The following TXNRD1 variants were observed in gnomAD, a reference collection of about 807,000 sequenced individuals.
The protein encoded by TXNRD1 is thioredoxin reductase 1, cytoplasmic.
Under a neutral mutation model 80.3 loss-of-function variants are expected in TXNRD1, and 57 were observed. The ratio of observed to expected loss-of-function variants is 0.71; its 90% CI spans 0.57 to 0.89. The LOEUF is 0.89. Ranked by LOEUF, TXNRD1 falls within the 40% of genes least tolerant of loss-of-function variation. TXNRD1 has a pLI of 0.00. For synonymous variants in TXNRD1, 291 were observed against 285.2 expected, an observed-to-expected ratio of 1.02 and a Z score of -0.20; for missense variants, 730 against 803.0, an observed-to-expected ratio of 0.91 and a Z score of 1.10.
chr12:104,255,687 G>A (rs1387863069), intron 2 of TXNRD1, among the ~76,000 whole-genome samples: 1 of 152,094 alleles, frequency 6.6e-6, no homozygotes, highest in Non-Finnish European at 1.5e-5. Context: ...CAGCTACTAG[G>A]GAGGCTGAGG....
At chr12:104,232,716 C>A (rs900020395) in intron 1 of TXNRD1, among the ~76,000 whole-genome samples, 1 of 152,096 alleles carries the variant, frequency 6.6e-6, no homozygotes. Flanking sequence ...TTAGTCAAAG[C>A]CTTGATCTTG....
chr12:104,317,037 C>G (rs1326990970), intron 7 of TXNRD1, among the ~76,000 whole-genome samples: 1 of 152,170 alleles, frequency 6.6e-6, no homozygotes, highest in Non-Finnish European at 1.5e-5. Flanking sequence ...AGTACCTTTT[C>G]CAAGTCTGGA....
intron 1 of TXNRD1, among the ~76,000 whole-genome samples, chr12:104,244,697 AAGAG>A (rs2032939759): frequency 1.3e-5 from 2 of 152,260 alleles, no homozygotes; most frequent in Admixed American, 1.3e-4. Context: ...AGGTTAGAAC[AAGAG>A]AGCTACTGTA....
chr12:104,338,681 G>A (rs1158579642), intron 15 of TXNRD1, among the ~76,000 whole-genome samples: 1 of 150,034 alleles, frequency 6.7e-6, no homozygotes, highest in African/African-American at 2.5e-5. Flanking sequence ...TGGGCAAGAA[G>A]AGCAATACTC....
intron 4 of TXNRD1, among the ~76,000 whole-genome samples, chr12:104,299,386 A>G (rs888280417): frequency 9.2e-5 from 14 of 152,010 alleles, no homozygotes; most frequent in African/African-American, 2.2e-4. Flanking sequence ...AAAAATACAG[A>G]TATCTGTCTT....
intron 15 of TXNRD1, among the ~76,000 whole-genome samples, chr12:104,335,322 C>T (rs1460339587): frequency 2.0e-5 from 3 of 151,920 alleles, no homozygotes; most frequent in African/African-American, 7.3e-5. Flanking sequence ...CTGCCTCAGC[C>T]TCCCAAGTAG....
Position 104,349,039 on chromosome 12 carries a change from T to A in TXNRD1, c.*618T>A, listed in dbSNP as rs1176391456. The A allele has an allele frequency of 1.3e-5, 2 of 152,362 alleles. No individual in the cohort carries two copies. The highest frequency in any genetic ancestry group is 6.5e-5 in the Admixed American group (1 of 15,308). The allele number at this position is 152,362 out of a possible 1,614,324, so 9.4% of individuals were successfully genotyped here. A position where few individuals can be genotyped will look rare whatever the true frequency, so the allele number is the denominator to read the frequency against. ...CTCATATATTCCCAAAACAAGTACATCTGCGATCAACTCTAGCCAAATTTG... is the reference window on the plus strand; with the variant it reads ...CTCATATATTCCCAAAACAAGTACAACTGCGATCAACTCTAGCCAAATTTG... On this transcript the variant is annotated 3_prime_UTR_variant, in exon 17 of 17. Coordinates refer to ENST00000525566, the MANE Select transcript of TXNRD1 (RefSeq NM_001093771.3).
At chr12:104,254,644 A>AAAAAAAAAAAAAAAAAAATATAT in intron 2 of TXNRD1, among the ~76,000 whole-genome samples, 8 of 93,632 alleles carry the variant, frequency 8.5e-5, no homozygotes, top group Non-Finnish European at 1.3e-4. Context: ...AAAAAAAAAA[A>AAAAAAAAAAAAAAAAAAATATAT]ATATATATAT....
chr12:104,220,502 T>A (rs2032325956), intron 1 of TXNRD1, among the ~76,000 whole-genome samples: 1 of 151,990 alleles, frequency 6.6e-6, no homozygotes, highest in African/African-American at 2.4e-5. Context: ...GGCGGGTGGA[T>A]CATCTGAGGT....
chr12:104,310,994 A>G (rs549388984), intron 4 of TXNRD1, among the ~76,000 whole-genome samples: 24 of 152,330 alleles, frequency 1.6e-4, no homozygotes, highest in African/African-American at 5.5e-4. Context: ...TCTAGGAAAA[A>G]AAGGCTAATG....
chr12:104,300,142 C>T (rs953796463), intron 4 of TXNRD1, among the ~76,000 whole-genome samples: 2 of 152,164 alleles, frequency 1.3e-5, no homozygotes, highest in African/African-American at 4.8e-5. Flanking sequence ...CTTTGTCATC[C>T]ACCCTATCAC....
rs147198220 is a variant in TXNRD1, at chr12:104,344,236, G to T, written c.1882-4117G>T. 2.2e-4 allele frequency among the ~76,000 whole-genome samples: 33 copies of T among 152,252 alleles called. 1 individual carries two copies. The East Asian group carries it at 6.4e-3, about 29-fold the overall frequency. On this transcript the variant is annotated intron_variant, in intron 16 of 16. Coordinates refer to ENST00000525566, the MANE Select transcript of TXNRD1 (RefSeq NM_001093771.3). Reference sequence around the variant, plus strand: ...CACCTGTTAGCTGTTTTTTCCCCAGGATATTATAGATGTGGCTGTGGCTTG... The same window carrying T: ...CACCTGTTAGCTGTTTTTTCCCCAGTATATTATAGATGTGGCTGTGGCTTG...
intron 3 of TXNRD1, chr12:104,287,300 C>T (rs763768343): frequency 6.8e-6 from 11 of 1,613,942 alleles, no homozygotes; most frequent in Non-Finnish European, 9.3e-6. Flanking sequence ...AGCTTCGTGG[C>T]GTGTGCGGTT....
chr12:104,272,891 G>T (rs1849822556), intron 3 of TXNRD1, among the ~76,000 whole-genome samples: 3 of 152,062 alleles, frequency 2.0e-5, no homozygotes, highest in Admixed American at 6.6e-5. Flanking sequence ...ATCTAACACT[G>T]AGGCAGGAGA....
At chr12:104,325,795 C>T (rs2035739969) in intron 11 of TXNRD1, among the ~76,000 whole-genome samples, 1 of 151,968 alleles carries the variant, frequency 6.6e-6, no homozygotes, top group African/African-American at 2.4e-5. Flanking sequence ...TCGCTTGAAC[C>T]CAGGAGACCT....
chr12:104,330,879 C>T (rs1002809592), intron 13 of TXNRD1, among the ~76,000 whole-genome samples: 9 of 152,010 alleles, frequency 5.9e-5, no homozygotes, highest in Admixed American at 2.0e-4. Context: ...TGAGCCACTG[C>T]GCCCGGCCCT....
At chr12:104,284,613 T>C (rs567313996) in intron 3 of TXNRD1, among the ~76,000 whole-genome samples, 244 of 152,328 alleles carry the variant, frequency 1.6e-3, no homozygotes, top group African/African-American at 5.8e-3. Context: ...GTACCTACTA[T>C]ATACCAGATT....
intron 7 of TXNRD1, 95 bp from the exon 8 acceptor site, chr12:104,318,818 T>C: frequency 7.2e-7 from 1 of 1,388,964 alleles, no homozygotes; most frequent in South Asian, 1.4e-5. Context: ...CTTTTAGAGC[T>C]CTGCTCCCTG....
At chr12:104,262,873 T>C (rs2033398737) in intron 3 of TXNRD1, among the ~76,000 whole-genome samples, 1 of 151,834 alleles carries the variant, frequency 6.6e-6, no homozygotes, top group South Asian at 2.1e-4. Flanking sequence ...ATGGAGTGAG[T>C]GCCCCATGAA....
Sources: gnomAD v4.1 joint callset for allele counts (sites outside exome capture counted in the v4.1 genomes callset) on GRCh38, gnomAD v4.1.1 for gene constraint, MANE v1.5 for transcripts, NCBI Gene and HGNC (gene_info 2026-07-23, HGNC 2026-07-21) for gene names.